PDXDC1: variants seen among roughly 807,000 people sequenced by gnomAD.
The protein encoded by PDXDC1 is pyridoxal dependent decarboxylase domain containing 1, also known as pyridoxal-dependent decarboxylase domain-containing protein 1.
A neutral mutation model predicts 100.1 loss-of-function variants in PDXDC1; 42 were observed. The ratio of observed to expected loss-of-function variants is 0.42; its 90% CI spans 0.33 to 0.54. The LOEUF (loss-of-function observed/expected upper bound fraction) is 0.54. PDXDC1 is among the 20% of genes least tolerant of loss of function. PDXDC1 has a pLI of 0.10. For synonymous variants in PDXDC1, 260 were observed against 371.7 expected, an observed-to-expected ratio of 0.70 and a Z score of 3.46; for missense variants, 636 against 979.2, an observed-to-expected ratio of 0.65 and a Z score of 4.68.
At chr16:15,141,261 G>A (rs1475790146), downstream of PDXDC1, among the ~76,000 whole-genome samples, 1 of 152,236 alleles carries the variant, frequency 6.6e-6, no homozygotes, top group African/African-American at 2.4e-5. Flanking sequence ...GGTGGGGCCC[G>A]GGGCCAGGGC....
At chr16:15,104,562 T>C (rs965729814) in intron 16 of PDXDC1, 2 of 1,597,460 alleles carry the variant, frequency 1.3e-6, no homozygotes, top group Non-Finnish European at 1.7e-6. Context: ...CTTGAGATTA[T>C]CATCCGCTGA....
chr16:15,076,733 T>C (rs2045472509), intron 16 of PDXDC1: 3 of 952,904 alleles, frequency 3.1e-6, no homozygotes, highest in Non-Finnish European at 5.0e-6. Flanking sequence ...TCATCTGATA[T>C]ACGCATGTTC....
intron 16 of PDXDC1, among the ~76,000 whole-genome samples, chr16:15,080,466 G>GCT (rs905429434): frequency 2.6e-5 from 4 of 152,058 alleles, no homozygotes; most frequent in African/African-American, 4.8e-5. Flanking sequence ...ACAGGGTCTT[G>GCT]CTCTCTCTCT....
intron 16 of PDXDC1, chr16:15,137,647 C>T (rs542006702): frequency 1.5e-5 from 20 of 1,328,360 alleles, no homozygotes; most frequent in Admixed American, 5.9e-5. Flanking sequence ...TCCCTTGGCC[C>T]GGAGCCCCCC....
intron 16 of PDXDC1, among the ~76,000 whole-genome samples, chr16:15,078,045 T>C (rs1420289708): frequency 2.0e-5 from 3 of 152,322 alleles, no homozygotes; most frequent in Admixed American, 1.3e-4. Flanking sequence ...TATATCACCA[T>C]TCAAATATCT....
Position 15,036,045 on chromosome 16 carries a change from G to C in PDXDC1, c.2137G>C (p.Gly713Arg). 1.2e-6 allele frequency: 2 copies of C among 1,614,120 alleles called. No individual in the cohort carries two copies. The highest frequency in any genetic ancestry group is 1.7e-6 in the Non-Finnish European group (2 of 1,180,006). ...GQKPFKRSLR[G>R]SDALSETSSV... is the part of the protein sequence containing the mutation. ...GAAGCCTTTTAAAAGGTCCCTGCGAGGTTCAGATGCTTTGAGTGAGACCAG... is the reference window on the plus strand; with the variant it reads ...GAAGCCTTTTAAAAGGTCCCTGCGACGTTCAGATGCTTTGAGTGAGACCAG... Residue 713 changes from glycine to arginine, a missense_variant, in exon 23 of 23, where the codon GGT (glycine) becomes CGT (arginine). Transcript: ENST00000396410.
chr16:15,057,240 G>A (rs951105420), intron 16 of PDXDC1, among the ~76,000 whole-genome samples: 1 of 152,042 alleles, frequency 6.6e-6, no homozygotes, highest in Admixed American at 6.5e-5. Context: ...TGTTCCCATC[G>A]CCAGGTTACC....
chr16:15,019,665 T>C (rs1258723790), intron 12 of PDXDC1, among the ~76,000 whole-genome samples: 1 of 152,264 alleles, frequency 6.6e-6, no homozygotes, highest in Non-Finnish European at 1.5e-5. Context: ...GTGAGCACAG[T>C]CCCTTGAGCC....
downstream of PDXDC1, among the ~76,000 whole-genome samples, chr16:15,042,262 C>G (rs957324974): frequency 6.7e-6 from 1 of 148,960 alleles, no homozygotes; most frequent in South Asian, 2.1e-4. Context: ...CTCTGCTCAT[C>G]GCAGTCTCCA....
the PDXDC1 span, among the ~76,000 whole-genome samples, chr16:15,150,146 C>T: frequency 6.6e-6 from 1 of 151,492 alleles, no homozygotes; most frequent in Non-Finnish European, 1.5e-5. Flanking sequence ...AGATCCAGAC[C>T]ATCCTGGCTA....
chr16:15,124,900 G>T (rs1476622013), intron 16 of PDXDC1, among the ~76,000 whole-genome samples: 29 of 152,042 alleles, frequency 1.9e-4, no homozygotes, highest in African/African-American at 7.0e-4. Context: ...TGTAATCCCA[G>T]CACTTTGGGA....
intron 16 of PDXDC1, chr16:15,135,015 G>C: frequency 2.2e-6 from 1 of 456,168 alleles, no homozygotes; most frequent in Admixed American, 3.5e-5. Flanking sequence ...GGGGTGGGAA[G>C]GGGCTCTTCC....
chr16:15,130,649 G>A (rs1394750130), intron 16 of PDXDC1: 7 of 1,378,408 alleles, frequency 5.1e-6, no homozygotes, highest in South Asian at 1.2e-5. Context: ...GGGAAATGAA[G>A]AAGGTGTAGG....
intron 16 of PDXDC1, chr16:15,092,374 A>G (rs1346189171): frequency 6.0e-6 from 4 of 668,670 alleles, no homozygotes; most frequent in Non-Finnish European, 1.1e-5. Context: ...CACTGACGGC[A>G]TCATGCTATT....
At chr16:15,124,304 G>A (rs562531169) in intron 16 of PDXDC1, among the ~76,000 whole-genome samples, 2 of 152,324 alleles carry the variant, frequency 1.3e-5, no homozygotes, top group South Asian at 2.1e-4. Context: ...CAATCACACA[G>A]AGTGTGCCCA....
intron 16 of PDXDC1, among the ~76,000 whole-genome samples, chr16:15,078,173 T>C (rs551029668): frequency 1.3e-5 from 2 of 152,352 alleles, no homozygotes; most frequent in East Asian, 1.9e-4. Flanking sequence ...ACATATACAG[T>C]TGGCCAGAGA....
chr16:15,009,131 A>C (rs1166765195), intron 7 of PDXDC1, among the ~76,000 whole-genome samples: 1 of 152,288 alleles, frequency 6.6e-6, no homozygotes, highest in Non-Finnish European at 1.5e-5. Context: ...ATTTCTTCTG[A>C]AGCTCCTACT....
chr16:15,122,569 C>T (rs945087863), intron 16 of PDXDC1, among the ~76,000 whole-genome samples: 5 of 148,694 alleles, frequency 3.4e-5, no homozygotes, highest in Non-Finnish European at 4.5e-5. Flanking sequence ...AGCGTCTACT[C>T]ACACAGGTGG....
downstream of PDXDC1, among the ~76,000 whole-genome samples, chr16:15,139,778 C>T (rs1387525821): frequency 6.6e-6 from 1 of 151,798 alleles, no homozygotes; most frequent in Non-Finnish European, 1.5e-5. Context: ...AAGACCCGGT[C>T]TCGAAAGAAA....
Sources: gnomAD v4.1 joint callset for allele counts (sites outside exome capture counted in the v4.1 genomes callset) on GRCh38, gnomAD v4.1.1 for gene constraint, MANE v1.5 for transcripts, NCBI Gene and HGNC (gene_info 2026-07-23, HGNC 2026-07-21) for gene names.